Variants in GFRA1 observed in about 807,000 individuals in gnomAD.
The protein encoded by GFRA1 is GDNF family receptor alpha 1.
Under a neutral mutation model 51.6 loss-of-function variants are expected in GFRA1, and 16 were observed. The ratio of observed to expected loss-of-function variants is 0.31; its 90% CI spans 0.21 to 0.47. The LOEUF is 0.47. Ranked by LOEUF, GFRA1 falls within the 20% of genes least tolerant of loss-of-function variation. The pLI is 1.00. For synonymous variants in GFRA1, 270 were observed against 241.3 expected (o/e 1.12, Z -1.10); for missense variants, 530 against 594.3 (o/e 0.89, Z 1.13).
chr10:116,240,783 C>T (rs1033419702), intron 4 of GFRA1, among the ~76,000 whole-genome samples: 1 of 152,118 alleles, frequency 6.6e-6, no homozygotes, highest in Non-Finnish European at 1.5e-5. Context: ...TGGGCTGTCT[C>T]GACAAACATC....
intron 6 of GFRA1, among the ~76,000 whole-genome samples, chr10:116,104,616 GT>G (rs149905470): frequency 0.022 from 3,363 of 152,290 alleles, 126 homozygotes; most frequent in African/African-American, 0.077. Flanking sequence ...GGGCACAGAG[GT>G]GATGCTTCCT....
intron 5 of GFRA1, among the ~76,000 whole-genome samples, chr10:116,151,885 A>T (rs956142814): frequency 1.6e-4 from 25 of 152,200 alleles, no homozygotes; most frequent in African/African-American, 6.0e-4. Context: ...GGAGGAAATA[A>T]TATGATAAAT....
At chr10:116,138,627 T>G (rs545173964) in intron 5 of GFRA1, among the ~76,000 whole-genome samples, 1 of 150,932 alleles carries the variant, frequency 6.6e-6, no homozygotes. Context: ...CAAAGCAAGA[T>G]GGTAGGAACC....
At chr10:116,128,697 G>C (rs917917441) in intron 5 of GFRA1, among the ~76,000 whole-genome samples, 3 of 131,430 alleles carry the variant, frequency 2.3e-5, no homozygotes, top group African/African-American at 9.0e-5. Flanking sequence ...CTGCACTCCA[G>C]CCTGGGGGAC....
At chr10:116,149,543 T>C (rs1406525401) in intron 5 of GFRA1, among the ~76,000 whole-genome samples, 1 of 152,156 alleles carries the variant, frequency 6.6e-6, no homozygotes, top group Non-Finnish European at 1.5e-5. Flanking sequence ...CACCTATAAT[T>C]TTAGAAATAT....
rs1219419964 is a variant in GFRA1, at chr10:116,059,120, C to T, written c.*5278G>A. The T allele has an allele frequency of 1.3e-5, 2 of 152,206 alleles. No individual in the cohort carries two copies. Among genetic ancestry groups the T allele is most frequent in the African/African-American group, 4.8e-5 (2 of 41,464 alleles). The allele number at this position is 152,206 out of a possible 1,614,324, so 9.4% of individuals were successfully genotyped here. On this transcript the variant is annotated 3_prime_UTR_variant, in exon 11 of 11. Coordinates refer to ENST00000355422, the MANE Select transcript of GFRA1 (RefSeq NM_005264.8). ...GAGGACACATTCAGGGTCAATACAG[C>T]TCAATGCCAGGAATACGATGCCAAT...
At chr10:116,166,364 G>T (rs1250126416) in intron 5 of GFRA1, among the ~76,000 whole-genome samples, 1 of 152,098 alleles carries the variant, frequency 6.6e-6, no homozygotes, top group African/African-American at 2.4e-5. Flanking sequence ...GTTCTTTGAG[G>T]AGTCACCGCA....
At chr10:116,241,161 G>T (rs1967335761) in intron 4 of GFRA1, among the ~76,000 whole-genome samples, 1 of 152,056 alleles carries the variant, frequency 6.6e-6, no homozygotes, top group Non-Finnish European at 1.5e-5. Flanking sequence ...GTTTTTGCAA[G>T]CCAGTAATAG....
chr10:116,207,966 T>G (rs1170597333), intron 5 of GFRA1, among the ~76,000 whole-genome samples: 1 of 152,028 alleles, frequency 6.6e-6, no homozygotes, highest in African/African-American at 2.4e-5. Context: ...TTCTGTGTGT[T>G]TTTGCAGCAT....
At chr10:116,155,567 C>T (rs529122625) in intron 5 of GFRA1, among the ~76,000 whole-genome samples, 35 of 152,304 alleles carry the variant, frequency 2.3e-4, no homozygotes, top group African/African-American at 8.2e-4. Context: ...GATGATTGTA[C>T]ATATCACCAC....
At chr10:116,163,675 C>T (rs1326039303) in intron 5 of GFRA1, among the ~76,000 whole-genome samples, 1 of 152,200 alleles carries the variant, frequency 6.6e-6, no homozygotes. Flanking sequence ...AACACAGTCC[C>T]TTCTCGCACG....
At position 116,261,335 on chromosome 10, in the gene GFRA1, G is replaced by A. The variant is rs185098148; in HGVS notation, c.418+8168C>T. Among the ~76,000 whole-genome samples, 313 of 152,260 alleles carry A rather than the reference G, an allele frequency of 2.1e-3. 1 individual carries two copies. The highest frequency in any genetic ancestry group is 7.1e-3 in the African/African-American group (293 of 41,552). On this transcript the variant is annotated intron_variant, in intron 4 of 10. Transcript: ENST00000355422. The stretch of plus-strand genomic sequence containing the variant: ...TTTCTTATCAGTCAAATACGGGGAC[G>A]GGACTAGAACGACCTCCAAACATCC...
intron 4 of GFRA1, among the ~76,000 whole-genome samples, chr10:116,221,856 TA>T (rs1397545663): frequency 6.6e-6 from 1 of 152,242 alleles, no homozygotes; most frequent in African/African-American, 2.4e-5. Flanking sequence ...TTAACTTTTT[TA>T]AAACTTTACA....
In GFRA1 at chr10:116,125,288, A is replaced by G. The variant is rs1350435530; in HGVS notation, c.703T>C (p.Tyr235His). The G allele has an allele frequency of 1.2e-6, 2 of 1,614,082 alleles. No individual in the cohort carries two copies. The highest frequency in any genetic ancestry group is 1.7e-6 in the Non-Finnish European group (2 of 1,180,040). ...CAGTTGGGCTTCTCCCTCTCTTCATAGGAGCACACAGGCACGATGGTCTGT... is the reference window on the plus strand; with the variant it reads ...CAGTTGGGCTTCTCCCTCTCTTCATGGGAGCACACAGGCACGATGGTCTGT... ...RRQTIVPVCS[Y>H]EEREKPNCLN... Residue 235 changes from tyrosine (Y) to histidine (H), a missense_variant, in exon 6 of 11, where the codon TAT becomes CAT. Tyr to His is a moderately conservative substitution (Grantham distance 83). Coordinates refer to ENST00000355422, the MANE Select transcript of GFRA1 (RefSeq NM_005264.8).
intron 4 of GFRA1, among the ~76,000 whole-genome samples, chr10:116,243,791 T>C (rs1352376976): frequency 1.3e-5 from 2 of 152,228 alleles, no homozygotes; most frequent in African/African-American, 2.4e-5. Context: ...CCACAGGCCC[T>C]GGTCAAGGAA....
intron 6 of GFRA1, among the ~76,000 whole-genome samples, chr10:116,098,870 C>A (rs1055828706): frequency 6.6e-6 from 1 of 152,208 alleles, no homozygotes; most frequent in African/African-American, 2.4e-5. Context: ...GAAAGCATAG[C>A]CCCGATTGGG....
intron 6 of GFRA1, among the ~76,000 whole-genome samples, chr10:116,124,317 C>T (rs1483940456): frequency 6.6e-6 from 1 of 151,972 alleles, no homozygotes; most frequent in African/African-American, 2.4e-5. Flanking sequence ...GCAACCTCCA[C>T]CTCCCAGGTT....
chr10:116,117,557 G>GTGGATGGATGGATGGATGGA (rs75233028), intron 6 of GFRA1, among the ~76,000 whole-genome samples: 27 of 97,438 alleles, frequency 2.8e-4, no homozygotes, highest in African/African-American at 1.0e-3. Context: ...GGGTGGGTGT[G>GTGGATGGATGGATGGATGGA]TGGATGGATG....
At chr10:116,148,079 T>TGTGTGTGTGCATGC (rs2134124317) in intron 5 of GFRA1, among the ~76,000 whole-genome samples, 2 of 66,940 alleles carry the variant, frequency 3.0e-5, no homozygotes, top group South Asian at 1.1e-3. Flanking sequence ...TGTGTGCATG[T>TGTGTGTGTGCATGC]GTGTGTGTGC....
Sources: allele counts gnomAD v4.1 joint callset (sites outside exome capture counted in the v4.1 genomes callset), GRCh38; gene constraint gnomAD v4.1.1; transcripts MANE v1.5; gene names NCBI Gene and HGNC (gene_info 2026-07-23, HGNC 2026-07-21).